Variants in APBA2 observed in about 807,000 individuals in gnomAD.
APBA2 encodes amyloid beta precursor protein binding family A member 2.
APBA2 carries 30 observed loss-of-function variants against 75.0 expected under a neutral mutation model. That is an observed-to-expected ratio of 0.40 (90% CI 0.30 to 0.54). The LOEUF (loss-of-function observed/expected upper bound fraction) is 0.54. Among genes scored for constraint, APBA2 ranks in the 20% least tolerant of loss-of-function variants. APBA2 has a pLI of 0.49. For synonymous variants in APBA2, 444 were observed against 409.6 expected (o/e 1.08, Z -1.01); for missense variants, 801 against 1,016.1 (o/e 0.79, Z 2.88).
intron 3 of APBA2, among the ~76,000 whole-genome samples, chr15:29,035,250 C>T (rs2040685593): frequency 6.6e-6 from 1 of 152,156 alleles, no homozygotes; most frequent in African/African-American, 2.4e-5. Context: ...GGGCTTGCTA[C>T]CGGGGCAGAG....
At chr15:29,097,568 G>A (rs1185643021) in intron 8 of APBA2, among the ~76,000 whole-genome samples, 2 of 152,184 alleles carry the variant, frequency 1.3e-5, no homozygotes, top group Non-Finnish European at 2.9e-5. Flanking sequence ...GTATGTATTT[G>A]TTATGTACAA....
At chr15:28,933,199 G>A (rs1412896920) in intron 2 of APBA2, among the ~76,000 whole-genome samples, 4 of 152,100 alleles carry the variant, frequency 2.6e-5, no homozygotes, top group African/African-American at 9.7e-5. Flanking sequence ...TGTTGCATCG[G>A]GGATTAGGTT....
At chr15:28,894,988 G>A (rs1484074300) in intron 1 of APBA2, among the ~76,000 whole-genome samples, 1 of 152,166 alleles carries the variant, frequency 6.6e-6, no homozygotes, top group Non-Finnish European at 1.5e-5. Context: ...ATGTTCTGTA[G>A]GAGGCGGCTG....
rs184135983 is a variant in APBA2, at chr15:28,931,341, C to T, written c.-95+9592C>T. On this transcript the variant is annotated intron_variant, in intron 2 of 14. Coordinates refer to ENST00000683413, the MANE Select transcript of APBA2 (RefSeq NM_001353788.2). ...TCCCCCTGTAGCTCCTGGATCTTAGCGGGGGCCTGGGAATGGGAGGCCACA... is the reference window on the plus strand; with the variant it reads ...TCCCCCTGTAGCTCCTGGATCTTAGTGGGGGCCTGGGAATGGGAGGCCACA... Among the ~76,000 whole-genome samples the T allele has an allele frequency of 6.1e-3, 931 of 152,260 alleles. 10 individuals carry two copies. The highest frequency in any genetic ancestry group is 9.8e-3 in the Non-Finnish European group (665 of 68,012).
At chr15:28,888,810 C>A (rs983940762) in intron 1 of APBA2, among the ~76,000 whole-genome samples, 3 of 152,150 alleles carry the variant, frequency 2.0e-5, no homozygotes, top group African/African-American at 7.2e-5. Flanking sequence ...AGTCTCAGTT[C>A]CTCACCCTTG....
rs145334838 is a variant in APBA2, at chr15:28,966,520, G to A, written c.-94-29233G>A. ...AGCCACTTTTGCTTTCTCATGATTA[G>A]TGTTGGCATGACATGTCTTTTCCCA... On this transcript the variant is annotated intron_variant, in intron 2 of 14. Coordinates refer to ENST00000683413, the MANE Select transcript of APBA2 (RefSeq NM_001353788.2). Among the ~76,000 whole-genome samples the A allele has an allele frequency of 2.4e-3, 364 of 152,158 alleles. 1 individual carries two copies. Among genetic ancestry groups the A allele is most frequent in the African/African-American group, 8.6e-3 (357 of 41,502 alleles).
intron 9 of APBA2, among the ~76,000 whole-genome samples, chr15:29,100,837 C>T (rs2044083578): frequency 6.6e-6 from 1 of 152,190 alleles, no homozygotes; most frequent in African/African-American, 2.4e-5. Flanking sequence ...ATATGGCAAG[C>T]CCCTGCTCCA....
chr15:28,944,037 G>A (rs748425886), intron 2 of APBA2, among the ~76,000 whole-genome samples: 3 of 151,984 alleles, frequency 2.0e-5, no homozygotes, highest in Non-Finnish European at 4.4e-5. Context: ...TGCCACCTCT[G>A]GCCCACTCTC....
chr15:29,117,544 C>G lies in APBA2; in HGVS notation c.*411C>G, dbSNP rs1352193710. 4 of 238,538 alleles carry G rather than the reference C, an allele frequency of 1.7e-5. No individual in the cohort carries two copies. Among genetic ancestry groups the G allele is most frequent in the Non-Finnish European group, 3.3e-5 (4 of 120,908 alleles). The allele number at this position is 238,538 out of a possible 1,614,324, so 14.8% of individuals were successfully genotyped here. A position where few individuals can be genotyped will look rare whatever the true frequency, so the allele number is the denominator to read the frequency against. Reference sequence around the variant, plus strand: ...TCACCCCTGCCTCCCGCCCCCTTGGCTGGGACGTCTGGGGTCCTGTGGGGC... The same window carrying G: ...TCACCCCTGCCTCCCGCCCCCTTGGGTGGGACGTCTGGGGTCCTGTGGGGC... On this transcript the variant is annotated 3_prime_UTR_variant, in exon 15 of 15. Coordinates refer to ENST00000683413, the MANE Select transcript of APBA2 (RefSeq NM_001353788.2).
chr15:28,962,315 TAATCCCAGC>T (rs893067409), intron 2 of APBA2, among the ~76,000 whole-genome samples: 16 of 152,052 alleles, frequency 1.1e-4, no homozygotes, highest in Non-Finnish European at 1.8e-4. Flanking sequence ...CTCACGCCTG[TAATCCCAGC>T]ACTTTGGGAT....
rs149804085 is a variant in APBA2, at chr15:29,023,780, G to C, written c.-41+27974G>C. Reference sequence around the variant, plus strand: ...CCCATTTTATACCTTTTTCATGGAAGTAAACATTTTCTAATTCACAATAAA... The same window carrying C: ...CCCATTTTATACCTTTTTCATGGAACTAAACATTTTCTAATTCACAATAAA... On this transcript the variant is annotated intron_variant, in intron 3 of 14. Coordinates refer to ENST00000683413, the MANE Select transcript of APBA2 (RefSeq NM_001353788.2). 3.7e-3 allele frequency among the ~76,000 whole-genome samples: 560 copies of C among 151,640 alleles called. 4 individuals carry two copies. Among genetic ancestry groups the C allele is most frequent in the Middle Eastern group, 0.01 (3 of 294 alleles).
At chr15:28,942,332 G>A (rs936127035) in intron 2 of APBA2, among the ~76,000 whole-genome samples, 1 of 152,144 alleles carries the variant, frequency 6.6e-6, no homozygotes, top group African/African-American at 2.4e-5. Context: ...AGACCCACTC[G>A]TATCTTTGTT....
At chr15:29,043,726 T>C (rs1453179738) in intron 3 of APBA2, among the ~76,000 whole-genome samples, 1 of 152,234 alleles carries the variant, frequency 6.6e-6, no homozygotes, top group Non-Finnish European at 1.5e-5. Context: ...GAAGGTTTAG[T>C]GTGTGCTCAA....
chr15:28,928,142 T>TC (rs1555374202), intron 2 of APBA2, among the ~76,000 whole-genome samples: 2 of 131,432 alleles, frequency 1.5e-5, no homozygotes, highest in Non-Finnish European at 3.2e-5. Flanking sequence ...AGACTCCATC[T>TC]AAAAAAAAAA....
intron 3 of APBA2, among the ~76,000 whole-genome samples, chr15:29,018,042 A>C (rs537067841): frequency 6.6e-6 from 1 of 152,072 alleles, no homozygotes; most frequent in Non-Finnish European, 1.5e-5. Context: ...AATTGACTGG[A>C]GTGTCTGCAA....
intron 3 of APBA2, among the ~76,000 whole-genome samples, chr15:29,005,625 G>A (rs1408246943): frequency 6.6e-6 from 1 of 152,144 alleles, no homozygotes; most frequent in African/African-American, 2.4e-5. Context: ...AGTGCTTTGG[G>A]AGGCCAAGGC....
chr15:28,993,648 C>G (rs551699530), intron 2 of APBA2, among the ~76,000 whole-genome samples: 14 of 152,254 alleles, frequency 9.2e-5, no homozygotes, highest in African/African-American at 3.4e-4. Flanking sequence ...GCTATTGCTC[C>G]TGGGCGGTGT....
chr15:28,966,136 A>G (rs2036725196), intron 2 of APBA2, among the ~76,000 whole-genome samples: 1 of 152,020 alleles, frequency 6.6e-6, no homozygotes, highest in Non-Finnish European at 1.5e-5. Flanking sequence ...ATCTGAGTGT[A>G]TGTTCCATGG....
intron 3 of APBA2, among the ~76,000 whole-genome samples, chr15:29,032,128 C>T (rs912072695): frequency 6.6e-6 from 1 of 152,260 alleles, no homozygotes; most frequent in Non-Finnish European, 1.5e-5. Flanking sequence ...CCTGTCTCCC[C>T]AGCCTGTGGC....
Sources: allele counts gnomAD v4.1 joint callset (sites outside exome capture counted in the v4.1 genomes callset), GRCh38; gene constraint gnomAD v4.1.1; transcripts MANE v1.5; gene names NCBI Gene and HGNC (gene_info 2026-07-23, HGNC 2026-07-21).